The following TNS1 variants were observed in gnomAD, a reference collection of about 807,000 sequenced individuals.
The protein encoded by TNS1 is tensin 1.
A neutral mutation model predicts 168.6 loss-of-function variants in TNS1; 62 were observed. The observed-to-expected ratio is 0.37, with a 90% CI of 0.30 to 0.45. The LOEUF is 0.45. Ranked by LOEUF, TNS1 falls within the 20% of genes least tolerant of loss-of-function variation. The probability of loss-of-function intolerance (pLI) is 1.00; values close to 1 mark genes in which losing one functional copy is unlikely to be tolerated. For missense variants in TNS1, 2,240 were observed against 2,339.4 expected, an observed-to-expected ratio of 0.96 and a Z score of 0.88; for synonymous variants, 934 against 933.2, an observed-to-expected ratio of 1.00 and a Z score of -0.02.
intron 4 of TNS1, among the ~76,000 whole-genome samples, chr2:217,918,878 G>A (rs558251688): frequency 2.0e-5 from 3 of 152,098 alleles, no homozygotes; most frequent in South Asian, 2.1e-4. Context: ...CCTCCACTGG[G>A]CTCCGTATGA....
Position 217,836,196 on chromosome 2 carries a change from T to C in TNS1, c.3023A>G (p.Glu1008Gly), listed in dbSNP as rs762123934. The change falls in exon 20 of 33, where the codon GAG (glutamate) becomes GGG (glycine). Residue 1008 changes from glutamate (E) to glycine (G), a missense_variant. Coordinates refer to ENST00000682258, the MANE Select transcript of TNS1 (RefSeq NM_001387777.1). ...GGCTGGGGGCTCTGCAGGCTGCTTCTCCCGAGCCTGTACCCCTGGGAGGAA... is the reference window on the plus strand; with the variant it reads ...GGCTGGGGGCTCTGCAGGCTGCTTCCCCCGAGCCTGTACCCCTGGGAGGAA... ...AHRVAGVQAR[E>G]KQPAEPPAPL... The C allele has an allele frequency of 6.2e-7, 1 of 1,611,192 alleles. No individual in the cohort carries two copies. Among genetic ancestry groups the C allele is most frequent in the Admixed American group, 1.7e-5 (1 of 59,918 alleles).
intron 8 of TNS1, among the ~76,000 whole-genome samples, chr2:217,897,186 G>T (rs1230154046): frequency 6.6e-6 from 1 of 152,168 alleles, no homozygotes; most frequent in African/African-American, 2.4e-5. Flanking sequence ...GCCCTCCTCT[G>T]GGGCCAAGGA....
Position 217,821,789 on chromosome 2 carries a change from C to A in TNS1, c.3523G>T (p.Val1175Phe), listed in dbSNP as rs1942896550. ...CTGGTGGAGAGGGGGCTGGGGGAGA[C>A]AAAGGAGCCACCCAGGGTCCCGTTC... ...LRNGTLGGSFVSPSPLSTSSP... is the reference protein window; with the variant it reads ...LRNGTLGGSFFSPSPLSTSSP... The change falls in exon 23 of 33, where the codon GTC becomes TTC. Residue 1175 changes from valine (V) to phenylalanine (F), a missense_variant. Physicochemically the swap from Val to Phe is conservative, Grantham distance 50. This residue lies in a region of TNS1 where 2,131 missense variants were observed against 2,171.2 expected (regional missense o/e 0.98). Transcript: ENST00000682258. 6.5e-7 allele frequency: 1 copy of A among 1,531,862 alleles called. No individual in the cohort carries two copies. The highest frequency in any genetic ancestry group is 1.3e-5 in the South Asian group (1 of 78,670). 94.9% of individuals were successfully genotyped at this position (1,531,862 alleles called of 1,614,324 possible).
chr2:217,967,342 T>A (rs976842845), intron 3 of TNS1, among the ~76,000 whole-genome samples: 7 of 151,118 alleles, frequency 4.6e-5, no homozygotes, highest in Admixed American at 2.0e-4. Flanking sequence ...AATAAATAAA[T>A]AAAAATAAAA....
At chr2:217,921,855 G>A (rs762452454) in intron 3 of TNS1, among the ~76,000 whole-genome samples, 9 of 152,150 alleles carry the variant, frequency 5.9e-5, no homozygotes, top group Non-Finnish European at 1.2e-4. Flanking sequence ...AGTAAGGTGG[G>A]TTACTATTGT....
chr2:217,990,813 G>C, intron 2 of TNS1, 129 bp downstream of exon 2: 4 of 219,736 alleles, frequency 1.8e-5, no homozygotes, highest in Non-Finnish European at 3.7e-5. Context: ...TCCTCCACCA[G>C]ATGAGAACAA....
chr2:217,931,129 G>C (rs1327144958), intron 3 of TNS1, among the ~76,000 whole-genome samples: 1 of 152,176 alleles, frequency 6.6e-6, no homozygotes, highest in Admixed American at 6.5e-5. Flanking sequence ...CTTGTGGCCC[G>C]GTGGGGGAGA....
rs71403015 is a variant in TNS1, at chr2:217,804,256, T to TTCTCTCTCTC, written c.*193_*202dup. ...GAATCCAAGTTCTTCTCCTCCATCTTTCTCTCTCTCTCTCTCTCTCTCTCT... is the reference window on the plus strand; with the variant it reads ...GAATCCAAGTTCTTCTCCTCCATCTTTCTCTCTCTCTCTCTCTCTCTCTCTCTCTCTCTCT... On this transcript the variant is annotated 3_prime_UTR_variant, in exon 33 of 33. Coordinates refer to ENST00000682258, the MANE Select transcript of TNS1 (RefSeq NM_001387777.1). 4,695 of 416,540 alleles carry TTCTCTCTCTC rather than the reference T, an allele frequency of 0.011. 40 individuals carry two copies. Among genetic ancestry groups the TTCTCTCTCTC allele is most frequent in the Middle Eastern group, 0.027 (41 of 1,508 alleles). 25.8% of individuals were successfully genotyped at this position (416,540 alleles called of 1,614,324 possible).
chr2:217,914,602 C>T (rs552195923), intron 4 of TNS1, among the ~76,000 whole-genome samples: 12 of 152,342 alleles, frequency 7.9e-5, no homozygotes, highest in African/African-American at 2.9e-4. Context: ...ACCTCTGCCT[C>T]AGCCTCCCAA....
At chr2:217,915,641 AAG>A (rs1954924879) in intron 4 of TNS1, among the ~76,000 whole-genome samples, 1 of 152,220 alleles carries the variant, frequency 6.6e-6, no homozygotes, top group South Asian at 2.1e-4. Flanking sequence ...GCTGTTTAGA[AAG>A]AGGGGCTCAG....
At chr2:217,905,348 G>A (rs1035300583) in intron 6 of TNS1, 9 of 447,556 alleles carry the variant, frequency 2.0e-5, no homozygotes, top group Non-Finnish European at 4.1e-5. Flanking sequence ...TGCTCCACCT[G>A]GAGAGGCCCC....
intron 3 of TNS1, among the ~76,000 whole-genome samples, chr2:217,974,026 G>C (rs548449391): frequency 6.6e-5 from 10 of 152,300 alleles, no homozygotes; most frequent in Admixed American, 3.9e-4. Flanking sequence ...AAATACGCCG[G>C]ATACAAAAGC....
chr2:217,914,814 C>G (rs1954822747), intron 4 of TNS1, among the ~76,000 whole-genome samples: 1 of 152,220 alleles, frequency 6.6e-6, no homozygotes. Context: ...GCACTTTGAA[C>G]CCCTTTTGGC....
chr2:217,946,967 TCTCA>T (rs1236994154), intron 3 of TNS1, among the ~76,000 whole-genome samples: 13 of 125,284 alleles, frequency 1.0e-4, no homozygotes, highest in East Asian at 4.8e-4. Flanking sequence ...TCTCTCTCTC[TCTCA>T]CACACACACA....
intron 18 of TNS1, among the ~76,000 whole-genome samples, chr2:217,868,463 G>T (rs150077608): frequency 6.6e-6 from 1 of 152,192 alleles, no homozygotes; most frequent in African/African-American, 2.4e-5. Context: ...CAGAGGCCTT[G>T]GTTCAAAGTC....
At chr2:217,840,409 G>T (rs1228212605) in intron 19 of TNS1, among the ~76,000 whole-genome samples, 1 of 152,242 alleles carries the variant, frequency 6.6e-6, no homozygotes, top group Non-Finnish European at 1.5e-5. Context: ...AAGGTCCAGG[G>T]CATGTCAAAC....
chr2:217,919,937 A>G (rs1955543609), intron 4 of TNS1, among the ~76,000 whole-genome samples: 1 of 152,166 alleles, frequency 6.6e-6, no homozygotes, highest in African/African-American at 2.4e-5. Flanking sequence ...CTGGAGACAC[A>G]CAAGATGCCC....
At chr2:217,934,444 C>A (rs1246739300) in intron 3 of TNS1, among the ~76,000 whole-genome samples, 1 of 152,200 alleles carries the variant, frequency 6.6e-6, no homozygotes, top group Non-Finnish European at 1.5e-5. Flanking sequence ...AGTCTAGGAG[C>A]CACCTACCCA....
At chr2:217,983,708 C>T (rs1025072321) in intron 2 of TNS1, among the ~76,000 whole-genome samples, 6 of 152,332 alleles carry the variant, frequency 3.9e-5, no homozygotes, top group Admixed American at 1.3e-4. Flanking sequence ...GATAACCACT[C>T]GCATGCCCGG....
Sources: allele counts gnomAD v4.1 joint callset (sites outside exome capture counted in the v4.1 genomes callset), GRCh38; gene constraint gnomAD v4.1.1; regional missense constraint gnomAD v4.1.1; transcripts MANE v1.5; gene names NCBI Gene and HGNC (gene_info 2026-07-23, HGNC 2026-07-21).